HEATR5A: variants seen among roughly 807,000 people sequenced by gnomAD.
HEATR5A encodes the protein HEAT repeat-containing protein 5A.
In HEATR5A, 178 loss-of-function variants were observed where a neutral mutation model predicts 218.8. The ratio of observed to expected loss-of-function variants is 0.81; its 90% CI spans 0.72 to 0.92. HEATR5A has a LOEUF of 0.92. HEATR5A is among the 40% of genes least tolerant of loss of function. The probability of loss-of-function intolerance (pLI) is 0.00; values close to 1 mark genes in which losing one functional copy is unlikely to be tolerated. For missense variants in HEATR5A, 2,420 were observed against 2,418.9 expected (o/e 1.00, Z -0.01); for synonymous variants, 864 against 871.6 (o/e 0.99, Z 0.15).
At chr14:31,302,718 CTG>C (rs1182232553) in intron 32 of HEATR5A, 199 bp from the exon 33 acceptor site, 5 of 527,532 alleles carry the variant, frequency 9.5e-6, no homozygotes, top group African/African-American at 1.9e-5. Context: ...ATGGTTATAA[CTG>C]GAGATTACGT....
At position 31,400,300 on chromosome 14, in the gene HEATR5A, C is replaced by G; in HGVS notation, c.338+1G>C. ...CTGTTCTGTTTTAATGTTTCACTTA[C>G]AGCTTAGTGGGAAGATAACTTGGAG... On this transcript the variant is annotated splice_donor_variant, in intron 3 of 35. Transcript: ENST00000543095. LOFTEE classifies it high-confidence loss of function. 1 of 1,524,054 alleles carries G rather than the reference C, an allele frequency of 6.6e-7. No homozygotes were observed. The highest frequency in any genetic ancestry group is 8.8e-7 in the Non-Finnish European group (1 of 1,136,868). 94.4% of individuals were successfully genotyped at this position (1,524,054 alleles called of 1,614,324 possible). A position where few individuals can be genotyped will look rare whatever the true frequency, so the allele number is the denominator to read the frequency against.
In HEATR5A at chr14:31,383,548, AGGACAATGTTTTACT is replaced by A; in HGVS notation, c.1554_1568del (p.Val519_Pro523del). ...TGCCTTTTCCATGAGGAATTCCTAA[AGGACAATGTTTTACT>A]GCTCCCAACAAAGCTGCTACAGCAA... On this transcript the variant is annotated inframe_deletion, in exon 10 of 36. Transcript: ENST00000543095. The A allele has an allele frequency of 6.2e-7, 1 of 1,613,434 alleles. No homozygotes were observed. The highest frequency in any genetic ancestry group is 8.5e-7 in the Non-Finnish European group (1 of 1,179,442).
chr14:31,300,598 C>T (rs1899339273), intron 33 of HEATR5A, among the ~76,000 whole-genome samples: 1 of 152,100 alleles, frequency 6.6e-6, no homozygotes, highest in Non-Finnish European at 1.5e-5. Flanking sequence ...GCTGTCTTAC[C>T]TGAGATCAAA....
At chr14:31,419,102 G>C (rs2031554427) in intron 1 of HEATR5A, among the ~76,000 whole-genome samples, 1 of 152,116 alleles carries the variant, frequency 6.6e-6, no homozygotes, top group East Asian at 1.9e-4. Context: ...ATAAATAGTG[G>C]AGGGAACTTA....
chr14:31,351,770 A>G (rs984128099), intron 16 of HEATR5A, among the ~76,000 whole-genome samples: 1 of 147,470 alleles, frequency 6.8e-6, no homozygotes, highest in African/African-American at 2.5e-5. Flanking sequence ...CATTACCCAC[A>G]CCCTGCTAAT....
In HEATR5A at chr14:31,307,710, A is replaced by G. The variant is rs574875746; in HGVS notation, c.4818+183T>C. ...ACAGAAAAGCGGCAGAGTAAGAGGC[A>G]TGATTGTTTTTGGGTCAACACATAT... On this transcript the variant is annotated intron_variant, in intron 30 of 35. Coordinates refer to ENST00000543095, the MANE Select transcript of HEATR5A (RefSeq NM_015473.4). Among the ~76,000 whole-genome samples, 3 of 152,338 alleles carry G rather than the reference A, an allele frequency of 2.0e-5. No homozygotes were observed. In the South Asian group the frequency reaches 6.2e-4, roughly 32 times the overall value.
At chr14:31,308,884 A>C (rs1345609631) in intron 29 of HEATR5A, 50 bp downstream of exon 29, 2 of 1,513,754 alleles carry the variant, frequency 1.3e-6, no homozygotes, top group East Asian at 2.3e-5. Context: ...CAAAAAAAAA[A>C]AAACAAAAAA....
chr14:31,380,919 CAA>C (rs943168295), intron 10 of HEATR5A, among the ~76,000 whole-genome samples: 1 of 151,936 alleles, frequency 6.6e-6, no homozygotes, highest in Non-Finnish European at 1.5e-5. Context: ...CATAATTATC[CAA>C]AAAAAGTTTT....
At chr14:31,320,344 A>G in intron 25 of HEATR5A, 1 of 836,098 alleles carries the variant, frequency 1.2e-6, no homozygotes, top group Non-Finnish European at 2.1e-6. Context: ...GCTTCCTGGC[A>G]TAGACAATAA....
chr14:31,402,263 A>T (rs2030906129), intron 2 of HEATR5A, among the ~76,000 whole-genome samples: 1 of 152,202 alleles, frequency 6.6e-6, no homozygotes, highest in Non-Finnish European at 1.5e-5. Flanking sequence ...AAATGTTCTT[A>T]TTTTTAGGAG....
intron 22 of HEATR5A, chr14:31,334,219 C>T (rs1052358575): frequency 1.7e-5 from 5 of 301,438 alleles, no homozygotes; most frequent in Non-Finnish European, 2.7e-5. Context: ...CAAGAGCTCT[C>T]GTGGAGGCGT....
intron 25 of HEATR5A, chr14:31,320,721 G>GT: frequency 5.5e-6 from 2 of 362,038 alleles, no homozygotes; most frequent in South Asian, 2.7e-5. Flanking sequence ...CAAAACACTT[G>GT]TTTTTTTATT....
At chr14:31,337,335 G>A (rs1023290206) in intron 22 of HEATR5A, 141 bp downstream of exon 22, 1 of 680,556 alleles carries the variant, frequency 1.5e-6, no homozygotes, top group Non-Finnish European at 2.4e-6. Flanking sequence ...ATCACTGGTT[G>A]GAATAACTGT....
At chr14:31,340,671 T>C (rs925755760) in intron 21 of HEATR5A, among the ~76,000 whole-genome samples, 5 of 152,218 alleles carry the variant, frequency 3.3e-5, no homozygotes, top group Non-Finnish European at 7.3e-5. Flanking sequence ...TTTTTGAAAA[T>C]AGTCAACTCA....
At chr14:31,389,029 A>T (rs758483183) in intron 6 of HEATR5A, 24 bp from the exon 7 acceptor site, 12 of 1,567,166 alleles carry the variant, frequency 7.7e-6, no homozygotes, top group Non-Finnish European at 1.0e-5. Flanking sequence ...CAAAACTGTG[A>T]TTCATATTTT....
intron 5 of HEATR5A, among the ~76,000 whole-genome samples, chr14:31,394,796 C>A (rs1042938569): frequency 3.9e-5 from 6 of 151,926 alleles, no homozygotes; most frequent in Admixed American, 2.6e-4. Context: ...CCAGCCTGGG[C>A]GACAGAGTCT....
At chr14:31,330,480 T>C (rs990695640) in intron 22 of HEATR5A, among the ~76,000 whole-genome samples, 7 of 152,010 alleles carry the variant, frequency 4.6e-5, no homozygotes, top group African/African-American at 1.7e-4. Flanking sequence ...TTTTCTTCAT[T>C]GTCTTGGCAA....
At chr14:31,333,697 G>C (rs1353940853) in intron 22 of HEATR5A, among the ~76,000 whole-genome samples, 1 of 152,128 alleles carries the variant, frequency 6.6e-6, no homozygotes, top group Non-Finnish European at 1.5e-5. Flanking sequence ...TTTAATGCCA[G>C]TGTTCACTGA....
At chr14:31,368,725 ATTTATTTATTTATTTT>A (rs1349948355) in intron 13 of HEATR5A, among the ~76,000 whole-genome samples, 26 of 48,850 alleles carry the variant, frequency 5.3e-4, no homozygotes, top group African/African-American at 1.1e-3. Context: ...TTATTTATTT[ATTTATTTATTTATTTT>A]GGTAGAGATG....
Sources: allele counts gnomAD v4.1 joint callset (sites outside exome capture counted in the v4.1 genomes callset), GRCh38; gene constraint gnomAD v4.1.1; transcripts MANE v1.5; gene names NCBI Gene and HGNC (gene_info 2026-07-23, HGNC 2026-07-21).